DENND1A: variants seen among roughly 807,000 people sequenced by gnomAD.
DENND1A encodes DENN domain containing 1A.
In DENND1A, 51 loss-of-function variants were observed where a neutral mutation model predicts 113.7. The observed-to-expected ratio is 0.45, with a 90% CI of 0.36 to 0.57. The LOEUF (loss-of-function observed/expected upper bound fraction) is 0.57, where lower values mean the gene tolerates loss of function less well. Ranked by LOEUF, DENND1A falls within the 20% of genes least tolerant of loss-of-function variation. The pLI is 0.00. For missense variants in DENND1A, 1,258 were observed against 1,395.9 expected (o/e 0.90, Z 1.57); for synonymous variants, 565 against 570.8 (o/e 0.99, Z 0.14).
chr9:123,706,547 G>A (rs1286153255), intron 5 of DENND1A, among the ~76,000 whole-genome samples: 5 of 151,630 alleles, frequency 3.3e-5, no homozygotes, highest in East Asian at 2.0e-4. Context: ...CGAGACGGGC[G>A]GATCACGAGG....
In DENND1A at chr9:123,411,790, G is replaced by C; in HGVS notation, c.1528C>G (p.Gln510Glu). 1 of 985,976 alleles carries C rather than the reference G, an allele frequency of 1.0e-6. No homozygotes were observed. The highest frequency in any genetic ancestry group is 1.2e-6 in the Non-Finnish European group (1 of 830,048). The allele number at this position is 985,976 out of a possible 1,614,324, so 61.1% of individuals were successfully genotyped here. ...LRPTRPPPKIQRSRPVRPPRP... is the reference protein window; with the variant it reads ...LRPTRPPPKIERSRPVRPPRP... ...CAGCTACTCACGGGCCTCGAGCGCT[G>C]TATCTTGGGAGGCGGTCGGGTGGGA... Residue 510 changes from glutamine (Q) to glutamate (E), a missense_variant, in exon 20 of 24, where the codon CAG becomes GAG. By Grantham distance (29) the Gln-to-Glu change is conservative (BLOSUM62 2). Coordinates refer to ENST00000394215, the MANE Select transcript of DENND1A (RefSeq NM_001352964.2).
intron 2 of DENND1A, among the ~76,000 whole-genome samples, chr9:123,877,322 T>C (rs937776971): frequency 6.6e-5 from 10 of 151,352 alleles, no homozygotes; most frequent in Non-Finnish European, 1.2e-4. Context: ...ACCCCGTCTC[T>C]ACTAAAAATA....
intron 13 of DENND1A, among the ~76,000 whole-genome samples, chr9:123,514,098 ATGTGTGTGTGTCTGTGTGTG>A (rs2053686694): frequency 1.6e-5 from 1 of 62,182 alleles, no homozygotes; most frequent in Non-Finnish European, 3.9e-5. Flanking sequence ...GTGTGTGTGT[ATGTGTGTGTGTCTGTGTGTG>A]TGTCCATGAC....
chr9:123,921,322 T>C (rs534860486), intron 1 of DENND1A, among the ~76,000 whole-genome samples: 88 of 152,252 alleles, frequency 5.8e-4, no homozygotes, highest in African/African-American at 2.0e-3. Context: ...ATAAATATTA[T>C]TTTTTTAACC....
chr9:123,682,724 A>C (rs2064551551), intron 5 of DENND1A, among the ~76,000 whole-genome samples: 1 of 152,030 alleles, frequency 6.6e-6, no homozygotes, highest in South Asian at 2.1e-4. Flanking sequence ...TCTTCCCAAA[A>C]CTCAGTTTCC....
chr9:123,583,235 G>T lies in DENND1A; in HGVS notation c.801C>A (p.Ile267=). 1 of 1,612,466 alleles carries T rather than the reference G, an allele frequency of 6.2e-7. No individual in the cohort carries two copies. The highest frequency in any genetic ancestry group is 8.5e-7 in the Non-Finnish European group (1 of 1,179,142). The change falls in exon 12 of 24, where the codon ATC becomes ATA. Residue 267 remains isoleucine, a synonymous_variant. Transcript: ENST00000394215. The part of the protein sequence containing the change: ...VRNMALDDVV[I]LNVDTNTLET... ...CCAGGGTGTTGGTGTCCACATTCAG[G>T]ATCACGACATCATCCAGGGCCATGT... is the stretch of plus-strand genomic sequence containing the variant.
chr9:123,722,560 C>T (rs1232765911), intron 5 of DENND1A, among the ~76,000 whole-genome samples: 1 of 152,184 alleles, frequency 6.6e-6, no homozygotes, highest in Non-Finnish European at 1.5e-5. Context: ...AGCCCTGGGT[C>T]CCTCTACTGG....
At chr9:123,787,594 G>T (rs1251616996) in intron 3 of DENND1A, among the ~76,000 whole-genome samples, 1 of 152,154 alleles carries the variant, frequency 6.6e-6, no homozygotes, top group Non-Finnish European at 1.5e-5. Context: ...AGCATGAACA[G>T]ATGAAAACTC....
chr9:123,421,514 CT>C (rs1432432011), intron 19 of DENND1A, among the ~76,000 whole-genome samples: 1 of 152,192 alleles, frequency 6.6e-6, no homozygotes, highest in Non-Finnish European at 1.5e-5. Flanking sequence ...GACTTTTGTC[CT>C]GCTAAGTCTG....
intron 19 of DENND1A, among the ~76,000 whole-genome samples, chr9:123,433,723 T>C (rs2046310474): frequency 6.6e-6 from 1 of 152,226 alleles, no homozygotes; most frequent in African/African-American, 2.4e-5. Context: ...CACTTGGTCA[T>C]GTATCCTAGT....
intron 13 of DENND1A, among the ~76,000 whole-genome samples, chr9:123,545,001 G>C (rs934329832): frequency 3.9e-5 from 6 of 152,056 alleles, no homozygotes; most frequent in African/African-American, 1.5e-4. Flanking sequence ...GGGAGGCTGA[G>C]GCAGGAGAAT....
intron 3 of DENND1A, among the ~76,000 whole-genome samples, chr9:123,784,329 TAGAG>T (rs1449137062): frequency 6.6e-6 from 1 of 152,164 alleles, no homozygotes; most frequent in Non-Finnish European, 1.5e-5. Context: ...CCGGCCATCT[TAGAG>T]AGGGTGGTGA....
intron 12 of DENND1A, among the ~76,000 whole-genome samples, chr9:123,565,046 C>T (rs1221525590): frequency 7.5e-6 from 1 of 132,750 alleles, no homozygotes; most frequent in Non-Finnish European, 1.5e-5. Context: ...GGCTGGAGTG[C>T]AGTGGCACCA....
chr9:123,781,985 G>A (rs894280585), intron 3 of DENND1A, among the ~76,000 whole-genome samples: 7 of 151,990 alleles, frequency 4.6e-5, no homozygotes, highest in African/African-American at 7.3e-5. Context: ...AAGAAGAATC[G>A]CTTGAACCTG....
chr9:123,507,125 G>T (rs1276756014), intron 13 of DENND1A, among the ~76,000 whole-genome samples: 1 of 152,192 alleles, frequency 6.6e-6, no homozygotes, highest in East Asian at 1.9e-4. Context: ...GGAGATGGGG[G>T]TTGCAGTGAG....
chr9:123,674,033 T>A (rs957057975), intron 6 of DENND1A, among the ~76,000 whole-genome samples: 1 of 152,046 alleles, frequency 6.6e-6, no homozygotes, highest in African/African-American at 2.4e-5. Flanking sequence ...GGGCCACAGC[T>A]GCTGCCTCCC....
intron 4 of DENND1A, among the ~76,000 whole-genome samples, chr9:123,762,531 T>G (rs2071127247): frequency 6.6e-6 from 1 of 152,224 alleles, no homozygotes; most frequent in African/African-American, 2.4e-5. Context: ...AGAAACAAAC[T>G]TTTACATGTG....
chr9:123,851,274 T>A (rs954436364), intron 2 of DENND1A, among the ~76,000 whole-genome samples: 2 of 152,210 alleles, frequency 1.3e-5, no homozygotes, highest in Non-Finnish European at 2.9e-5. Context: ...ATAAATGGAA[T>A]CAGAAAGTAT....
At chr9:123,462,049 T>G (rs982054358) in intron 13 of DENND1A, 1 of 152,184 alleles carries the variant, frequency 6.6e-6, no homozygotes, top group Admixed American at 6.5e-5. Context: ...AGGACTTAGG[T>G]GAGCAAATCC....
Sources: allele counts gnomAD v4.1 joint callset (sites outside exome capture counted in the v4.1 genomes callset), GRCh38; gene constraint gnomAD v4.1.1; transcripts MANE v1.5; gene names NCBI Gene and HGNC (gene_info 2026-07-23, HGNC 2026-07-21).